The following HECTD2 variants were observed in gnomAD, a reference collection of about 807,000 sequenced individuals.
The protein encoded by HECTD2 is probable E3 ubiquitin-protein ligase HECTD2.
A neutral mutation model predicts 103.2 loss-of-function variants in HECTD2; 35 were observed. The ratio of observed to expected loss-of-function variants is 0.34; its 90% CI spans 0.26 to 0.45. HECTD2 has a LOEUF of 0.45. Ranked by LOEUF, HECTD2 falls within the 20% of genes least tolerant of loss-of-function variation. The pLI is 1.00. For synonymous variants in HECTD2, 281 were observed against 329.9 expected, an observed-to-expected ratio of 0.85 and a Z score of 1.61; for missense variants, 596 against 937.4, an observed-to-expected ratio of 0.64 and a Z score of 4.76.
Position 91,445,444 on chromosome 10 carries a change from A to C in HECTD2, c.269-14983A>C, listed in dbSNP as rs1043972735. ...CAATATAAATAATTTTTAATTAAATAAGTAATAAGTAATGAAAAAGCAGTC... is the reference window on the plus strand; with the variant it reads ...CAATATAAATAATTTTTAATTAAATCAGTAATAAGTAATGAAAAAGCAGTC... On this transcript the variant is annotated intron_variant, in intron 2 of 20. Transcript: ENST00000298068. Among the ~76,000 whole-genome samples the C allele has an allele frequency of 5.3e-5, 8 of 152,316 alleles. No individual in the cohort carries two copies. The East Asian group carries it at 1.5e-3, about 29-fold the overall frequency.
At chr10:91,502,180 C>T (rs1846928061) in intron 20 of HECTD2, among the ~76,000 whole-genome samples, 1 of 152,108 alleles carries the variant, frequency 6.6e-6, no homozygotes, top group South Asian at 2.1e-4. Context: ...AATCCAGAGA[C>T]TGTAAAATAA....
At chr10:91,424,495 G>A (rs1305486849) in intron 1 of HECTD2, among the ~76,000 whole-genome samples, 1 of 152,080 alleles carries the variant, frequency 6.6e-6, no homozygotes, top group Non-Finnish European at 1.5e-5. Flanking sequence ...TCTGGAAATT[G>A]GAACATAGTA....
intron 20 of HECTD2, among the ~76,000 whole-genome samples, chr10:91,504,399 T>C (rs2133365082): frequency 6.6e-6 from 1 of 150,588 alleles, no homozygotes; most frequent in Non-Finnish European, 1.5e-5. Flanking sequence ...GAAGAATGTA[T>C]AACTAGAATA....
intron 2 of HECTD2, among the ~76,000 whole-genome samples, chr10:91,434,225 C>T (rs914446408): frequency 3.3e-5 from 5 of 151,814 alleles, no homozygotes; most frequent in African/African-American, 9.7e-5. Flanking sequence ...AAAAGTCATC[C>T]TATAGACAAT....
chr10:91,450,357 C>T (rs1844753219), intron 2 of HECTD2, among the ~76,000 whole-genome samples: 1 of 152,072 alleles, frequency 6.6e-6, no homozygotes, highest in African/African-American at 2.4e-5. Context: ...TTCCTTACAC[C>T]TCATACAAAA....
chr10:91,432,103 C>A (rs1014614171), intron 2 of HECTD2, among the ~76,000 whole-genome samples: 1 of 151,876 alleles, frequency 6.6e-6, no homozygotes, highest in Non-Finnish European at 1.5e-5. Flanking sequence ...CAGAGTAATT[C>A]TTTTATTGAA....
chr10:91,455,899 T>C (rs963590933), intron 2 of HECTD2, among the ~76,000 whole-genome samples: 2 of 152,112 alleles, frequency 1.3e-5, no homozygotes, highest in Non-Finnish European at 2.9e-5. Context: ...GTGGTATTAT[T>C]TCTGAGGGCT....
intron 20 of HECTD2, among the ~76,000 whole-genome samples, chr10:91,503,347 G>A (rs1175095155): frequency 2.6e-5 from 4 of 152,032 alleles, no homozygotes; most frequent in African/African-American, 9.7e-5. Context: ...GGTGATTTCT[G>A]CATTTCCATC....
At chr10:91,436,099 T>A (rs1034894904) in intron 2 of HECTD2, among the ~76,000 whole-genome samples, 1 of 151,956 alleles carries the variant, frequency 6.6e-6, no homozygotes, top group African/African-American at 2.4e-5. Flanking sequence ...AGTTTAAAAA[T>A]TTTTTTCTTC....
At chr10:91,419,006 G>A (rs947351830) in intron 1 of HECTD2, among the ~76,000 whole-genome samples, 13 of 152,176 alleles carry the variant, frequency 8.5e-5, no homozygotes, top group African/African-American at 2.4e-4. Flanking sequence ...AGACATAGAC[G>A]TTCAATTTAA....
chr10:91,507,830 A>C (rs1412486528), intron 20 of HECTD2, among the ~76,000 whole-genome samples: 1 of 122,102 alleles, frequency 8.2e-6, no homozygotes, highest in Non-Finnish European at 1.6e-5. Flanking sequence ...CCTAAGCCAA[A>C]AGAACAAAGC....
chr10:91,479,992 A>G (rs1239428264), intron 6 of HECTD2, among the ~76,000 whole-genome samples: 1 of 152,078 alleles, frequency 6.6e-6, no homozygotes, highest in African/African-American at 2.4e-5. Flanking sequence ...ATTTTCTGTT[A>G]GAAACTCTTG....
chr10:91,476,610 G>A (rs564515245), intron 5 of HECTD2, among the ~76,000 whole-genome samples: 55 of 152,334 alleles, frequency 3.6e-4, no homozygotes, highest in African/African-American at 1.3e-3. Context: ...GGCATCCGGG[G>A]AGGAGTGCCA....
At chr10:91,495,602 T>C (rs1387871314) in intron 14 of HECTD2, among the ~76,000 whole-genome samples, 3 of 152,098 alleles carry the variant, frequency 2.0e-5, no homozygotes, top group Non-Finnish European at 1.5e-5. Context: ...ATATGACTAA[T>C]AAATAATCCT....
intron 1 of HECTD2, among the ~76,000 whole-genome samples, chr10:91,415,477 T>G (rs1398827183): frequency 6.6e-6 from 1 of 152,220 alleles, no homozygotes. Context: ...TTTTATTTAG[T>G]TAAATAATGC....
At chr10:91,474,478 G>A (rs1845838395) in intron 5 of HECTD2, among the ~76,000 whole-genome samples, 1 of 152,192 alleles carries the variant, frequency 6.6e-6, no homozygotes. Flanking sequence ...AACTTCAGAA[G>A]ATATGGCCTT....
At chr10:91,483,812 GAC>G (rs890964512) in intron 8 of HECTD2, among the ~76,000 whole-genome samples, 29 of 151,820 alleles carry the variant, frequency 1.9e-4, no homozygotes, top group African/African-American at 6.8e-4. Context: ...TTTTTTTAAA[GAC>G]ACACTTCATT....
intron 2 of HECTD2, among the ~76,000 whole-genome samples, chr10:91,443,984 G>A (rs987674959): frequency 6.6e-6 from 1 of 151,962 alleles, no homozygotes; most frequent in Non-Finnish European, 1.5e-5. Context: ...GATTATATTT[G>A]GTAATCTTTA....
intron 1 of HECTD2, among the ~76,000 whole-genome samples, chr10:91,413,937 A>C (rs909834800): frequency 6.6e-6 from 1 of 152,188 alleles, no homozygotes; most frequent in African/African-American, 2.4e-5. Context: ...TAATGTATGG[A>C]TATGAAGGGC....
Sources: allele counts gnomAD v4.1 joint callset (sites outside exome capture counted in the v4.1 genomes callset), GRCh38; gene constraint gnomAD v4.1.1; transcripts MANE v1.5; gene names NCBI Gene and HGNC (gene_info 2026-07-23, HGNC 2026-07-21).